Variants in ERC2 observed in about 807,000 individuals in gnomAD.
The protein encoded by ERC2 is ELKS/RAB6-interacting/CAST family member 2.
In ERC2, 42 loss-of-function variants were observed where a neutral mutation model predicts 114.8. The ratio of observed to expected loss-of-function variants is 0.37; its 90% CI spans 0.29 to 0.47. ERC2 has a LOEUF of 0.47. ERC2 is among the 20% of genes least tolerant of loss of function. The pLI is 0.99. For synonymous variants in ERC2, 454 were observed against 425.5 expected, an observed-to-expected ratio of 1.07 and a Z score of -0.82; for missense variants, 939 against 1,150.7, an observed-to-expected ratio of 0.82 and a Z score of 2.66.
intron 14 of ERC2, among the ~76,000 whole-genome samples, chr3:55,747,711 T>C (rs1039811958): frequency 6.6e-6 from 1 of 152,224 alleles, no homozygotes; most frequent in Non-Finnish European, 1.5e-5. Context: ...GTTTCACCAA[T>C]GCATCACAGC....
chr3:55,959,056 A>T (rs922591500), intron 12 of ERC2, among the ~76,000 whole-genome samples: 1 of 152,090 alleles, frequency 6.6e-6, no homozygotes, highest in Non-Finnish European at 1.5e-5. Flanking sequence ...CAGCCACTCC[A>T]GACGGTCCAC....
chr3:55,733,534 TCTCTCTCTCACA>T (rs1354929512), intron 15 of ERC2, among the ~76,000 whole-genome samples: 1,179 of 55,520 alleles, frequency 0.021, 42 homozygotes, highest in East Asian at 0.18. Flanking sequence ...TCATTCTTTC[TCTCTCTCTCACA>T]CACACACACA....
chr3:56,153,087 T>C (rs566029411), intron 4 of ERC2, among the ~76,000 whole-genome samples: 4 of 152,318 alleles, frequency 2.6e-5, no homozygotes, highest in African/African-American at 9.6e-5. Context: ...TTTTTAAATC[T>C]ATCTCTAGAT....
At chr3:55,831,238 G>C (rs2060558316) in intron 14 of ERC2, among the ~76,000 whole-genome samples, 2 of 149,392 alleles carry the variant, frequency 1.3e-5, no homozygotes, top group South Asian at 4.4e-4. Flanking sequence ...GTCAAGCCCA[G>C]AAGTGTAAGA....
At chr3:56,070,669 C>G (rs1376308774) in intron 7 of ERC2, among the ~76,000 whole-genome samples, 2 of 152,114 alleles carry the variant, frequency 1.3e-5, no homozygotes, top group African/African-American at 4.8e-5. Context: ...ACTTGCAAGT[C>G]ACAAAGGACT....
chr3:56,280,557 T>C (rs2054279780), intron 3 of ERC2, among the ~76,000 whole-genome samples: 1 of 152,166 alleles, frequency 6.6e-6, no homozygotes, highest in Non-Finnish European at 1.5e-5. Context: ...CCAATATGTT[T>C]CTGCAACCCA....
chr3:55,623,595 G>T (rs1056385339), intron 17 of ERC2, among the ~76,000 whole-genome samples: 3 of 152,068 alleles, frequency 2.0e-5, no homozygotes, highest in African/African-American at 7.2e-5. Context: ...GTCATGCCTG[G>T]TCACCTGCTC....
intron 14 of ERC2, among the ~76,000 whole-genome samples, chr3:55,824,664 A>C (rs1246168018): frequency 1.3e-5 from 2 of 152,162 alleles, no homozygotes; most frequent in Non-Finnish European, 2.9e-5. Context: ...TGTTTCTCAA[A>C]GTGTTGTAAA....
intron 3 of ERC2, among the ~76,000 whole-genome samples, chr3:56,285,026 C>T (rs1414650056): frequency 4.2e-4 from 47 of 111,504 alleles, no homozygotes; most frequent in African/African-American, 9.6e-4. Context: ...CACACACACA[C>T]ACACATACAC....
In ERC2 at chr3:55,965,901, C is replaced by T. The variant is rs73086180; in HGVS notation, c.2268-15341G>A. Among the ~76,000 whole-genome samples the T allele has an allele frequency of 4.4e-3, 669 of 152,218 alleles. 7 individuals are homozygous for T. Among genetic ancestry groups the T allele is most frequent in the Non-Finnish European group, 7.6e-3 (517 of 68,004 alleles). Reference sequence around the variant, plus strand: ...AAGGATAACAAAGTGGCAGAATTATCGGCAAAGAGGGCATAAACCACTTCC... The same window carrying T: ...AAGGATAACAAAGTGGCAGAATTATTGGCAAAGAGGGCATAAACCACTTCC... On this transcript the variant is annotated intron_variant, in intron 12 of 17. Transcript: ENST00000288221.
chr3:55,585,229 G>A (rs79154183), intron 17 of ERC2, among the ~76,000 whole-genome samples: 2,027 of 152,324 alleles, frequency 0.013, 48 homozygotes, highest in African/African-American at 0.046. Flanking sequence ...CTGTCAACTA[G>A]GCAGCACTTT....
intron 17 of ERC2, among the ~76,000 whole-genome samples, chr3:55,534,217 A>C (rs1477769912): frequency 6.6e-6 from 1 of 152,192 alleles, no homozygotes; most frequent in Admixed American, 6.5e-5. Context: ...CCAGCAGTTC[A>C]AGACCAGCCT....
At chr3:55,817,856 A>T (rs1268788410) in intron 14 of ERC2, among the ~76,000 whole-genome samples, 3 of 152,228 alleles carry the variant, frequency 2.0e-5, no homozygotes, top group Admixed American at 1.3e-4. Context: ...CATTATCACC[A>T]TTATCATCTT....
At chr3:55,822,238 AAAG>A (rs1459786497) in intron 14 of ERC2, among the ~76,000 whole-genome samples, 1 of 152,200 alleles carries the variant, frequency 6.6e-6, no homozygotes, top group Non-Finnish European at 1.5e-5. Flanking sequence ...GTTAGTCATC[AAAG>A]AAGTTTTGAC....
intron 2 of ERC2, among the ~76,000 whole-genome samples, chr3:56,401,595 T>C (rs1182141338): frequency 1.3e-5 from 2 of 152,200 alleles, no homozygotes; most frequent in Admixed American, 6.5e-5. Flanking sequence ...AATTTGCAGG[T>C]ATATATATCT....
At chr3:55,879,323 T>A (rs1035870984) in intron 14 of ERC2, among the ~76,000 whole-genome samples, 3 of 152,138 alleles carry the variant, frequency 2.0e-5, no homozygotes, top group African/African-American at 7.2e-5. Context: ...CAGAGTTCTT[T>A]TGCACTAAAA....
At chr3:55,742,106 A>C (rs942600415) in intron 14 of ERC2, among the ~76,000 whole-genome samples, 4 of 152,100 alleles carry the variant, frequency 2.6e-5, no homozygotes, top group Admixed American at 2.0e-4. Flanking sequence ...AAAAAAAAAA[A>C]AACAAAACCT....
intron 15 of ERC2, among the ~76,000 whole-genome samples, chr3:55,702,004 A>T (rs890776089): frequency 6.6e-6 from 1 of 152,208 alleles, no homozygotes; most frequent in African/African-American, 2.4e-5. Flanking sequence ...TATTGTAAAC[A>T]TCGTAATATC....
intron 15 of ERC2, among the ~76,000 whole-genome samples, chr3:55,733,619 C>A (rs1425837033): frequency 1.3e-5 from 2 of 151,774 alleles, no homozygotes; most frequent in African/African-American, 2.4e-5. Context: ...CTGAACAAGG[C>A]AGCCCCATGA....
Sources: allele counts gnomAD v4.1 joint callset (sites outside exome capture counted in the v4.1 genomes callset), GRCh38; gene constraint gnomAD v4.1.1; transcripts MANE v1.5; gene names NCBI Gene and HGNC (gene_info 2026-07-23, HGNC 2026-07-21).